The following ERC2 variants were observed in gnomAD, a reference collection of about 807,000 sequenced individuals.
ERC2 encodes the protein ELKS/RAB6-interacting/CAST family member 2.
In ERC2, 42 loss-of-function variants were observed where a neutral mutation model predicts 114.8. The ratio of observed to expected loss-of-function variants is 0.37; its 90% CI spans 0.29 to 0.47. The LOEUF is 0.47. ERC2 is among the 20% of genes least tolerant of loss of function. The pLI, the probability that ERC2 is intolerant of heterozygous loss-of-function variation, is 0.99. For synonymous variants in ERC2, 454 were observed against 425.5 expected, an observed-to-expected ratio of 1.07 and a Z score of -0.82; for missense variants, 939 against 1,150.7, an observed-to-expected ratio of 0.82 and a Z score of 2.66.
At position 55,831,961 on chromosome 3, in the gene ERC2, C is replaced by A. The variant is rs139479706; in HGVS notation, c.2564+56428G>T. Among the ~76,000 whole-genome samples, 400 of 152,366 alleles carry A rather than the reference C, an allele frequency of 2.6e-3. 12 individuals are homozygous for A. In the East Asian group the frequency reaches 0.073, roughly 28 times the overall value. ...GCACACCAGGAGATTACATCCCGCACATGGCTCAGAGGGTCCTACGTCCAC... is the reference window on the plus strand; with the variant it reads ...GCACACCAGGAGATTACATCCCGCAAATGGCTCAGAGGGTCCTACGTCCAC... On this transcript the variant is annotated intron_variant, in intron 14 of 17. Coordinates refer to ENST00000288221, the MANE Select transcript of ERC2 (RefSeq NM_015576.3).
intron 14 of ERC2, among the ~76,000 whole-genome samples, chr3:55,830,336 C>T (rs1261512231): frequency 6.6e-6 from 1 of 152,116 alleles, no homozygotes; most frequent in Admixed American, 6.6e-5. Flanking sequence ...TAAAAAGTTG[C>T]TCAGACTAAA....
chr3:55,731,658 T>C (rs1428149342), intron 15 of ERC2, among the ~76,000 whole-genome samples: 3 of 152,210 alleles, frequency 2.0e-5, no homozygotes, highest in Non-Finnish European at 2.9e-5. Flanking sequence ...TTAAGCATTA[T>C]GGTATATCCA....
intron 17 of ERC2, among the ~76,000 whole-genome samples, chr3:55,661,185 A>G (rs1406886541): frequency 6.6e-6 from 1 of 152,178 alleles, no homozygotes. Context: ...GTAGGTCAGA[A>G]TTTTGGCACA....
At chr3:55,708,349 G>C (rs2063593773) in intron 15 of ERC2, among the ~76,000 whole-genome samples, 1 of 152,362 alleles carries the variant, frequency 6.6e-6, no homozygotes, top group South Asian at 2.1e-4. Context: ...TAGTGGCAGA[G>C]TCTGGGGGAA....
intron 15 of ERC2, among the ~76,000 whole-genome samples, chr3:55,708,868 A>G (rs2063622067): frequency 6.6e-6 from 1 of 151,820 alleles, no homozygotes; most frequent in African/African-American, 2.4e-5. Context: ...AAGAGGAGAG[A>G]GAGAGAGAAG....
rs2107118452 is a variant in ERC2 at position 55,510,557 on chromosome 3, A to G, written c.*759T>C. 6.5e-6 allele frequency: 1 copy of G among 152,802 alleles called. No individual in the cohort carries two copies. The highest frequency in any genetic ancestry group is 2.1e-4 in the South Asian group (1 of 4,828). The allele number at this position is 152,802 out of a possible 1,614,324, so 9.5% of individuals were successfully genotyped here. A position where few individuals can be genotyped will look rare whatever the true frequency, so the allele number is the denominator to read the frequency against. On this transcript the variant is annotated 3_prime_UTR_variant, in exon 18 of 18. Coordinates refer to ENST00000288221, the MANE Select transcript of ERC2 (RefSeq NM_015576.3). ...AGATGTGCCACGCATTGTCAGAGACACACACCATGTTCTCATAAGGCGATT... is the reference window on the plus strand; with the variant it reads ...AGATGTGCCACGCATTGTCAGAGACGCACACCATGTTCTCATAAGGCGATT...
chr3:55,888,264 C>T, intron 14 of ERC2, 125 bp downstream of exon 14: 4 of 1,126,266 alleles, frequency 3.6e-6, no homozygotes, highest in Non-Finnish European at 5.0e-6. Flanking sequence ...CAGAAATGAC[C>T]AGGCAAGTGT....
At chr3:56,411,048 TC>T (rs2060922139) in intron 2 of ERC2, among the ~76,000 whole-genome samples, 1 of 137,172 alleles carries the variant, frequency 7.3e-6, no homozygotes, top group African/African-American at 3.0e-5. Flanking sequence ...ATGAATTATC[TC>T]AGAAAAAAAA....
chr3:55,517,854 C>CT (rs2052639098), intron 17 of ERC2, among the ~76,000 whole-genome samples: 1 of 152,238 alleles, frequency 6.6e-6, no homozygotes, highest in Non-Finnish European at 1.5e-5. Context: ...ATTAGGTACT[C>CT]TATGCACTTT....
At chr3:56,150,296 T>C (rs2081350696) in intron 4 of ERC2, among the ~76,000 whole-genome samples, 1 of 152,206 alleles carries the variant, frequency 6.6e-6, no homozygotes, top group African/African-American at 2.4e-5. Context: ...GTCCTGATTT[T>C]GTGGCTATTG....
At chr3:55,994,647 T>TTAA (rs36006624) in intron 10 of ERC2, among the ~76,000 whole-genome samples, 1 of 61,396 alleles carries the variant, frequency 1.6e-5, no homozygotes, top group Non-Finnish European at 2.7e-5. Flanking sequence ...ACATACTCCC[T>TTAA]AAAAAAAAAA....
chr3:55,994,747 C>T (rs2071375558), intron 10 of ERC2, among the ~76,000 whole-genome samples: 1 of 149,832 alleles, frequency 6.7e-6, no homozygotes, highest in Non-Finnish European at 1.5e-5. Flanking sequence ...TATTTTAGCT[C>T]CATGAAGAAA....
chr3:56,243,230 T>C (rs554634938), intron 3 of ERC2, among the ~76,000 whole-genome samples: 93 of 152,304 alleles, frequency 6.1e-4, no homozygotes, highest in Non-Finnish European at 1.0e-3. Context: ...CTGTTGGGCA[T>C]GTTCTCTGGG....
At chr3:56,079,640 G>T (rs1318115974) in intron 7 of ERC2, among the ~76,000 whole-genome samples, 3 of 152,086 alleles carry the variant, frequency 2.0e-5, no homozygotes, top group African/African-American at 7.2e-5. Flanking sequence ...AGCTGCACAG[G>T]TCCCTATGCT....
intron 12 of ERC2, among the ~76,000 whole-genome samples, chr3:55,964,463 T>TC (rs1185862269): frequency 6.6e-6 from 1 of 151,576 alleles, no homozygotes; most frequent in Non-Finnish European, 1.5e-5. Context: ...CAATCTTTTT[T>TC]TTTTTCTATG....
chr3:55,877,997 C>G (rs964149960), intron 14 of ERC2, among the ~76,000 whole-genome samples: 1 of 152,156 alleles, frequency 6.6e-6, no homozygotes, highest in African/African-American at 2.4e-5. Flanking sequence ...ACTGCCTCCT[C>G]TGACTTACCA....
rs148607283 is a variant in ERC2, at chr3:56,467,479, C to A, written c.-141+769G>T. Among the ~76,000 whole-genome samples the A allele has an allele frequency of 1.2e-4, 18 of 152,240 alleles. No homozygotes were observed. In the East Asian group the frequency reaches 2.5e-3, roughly 21 times the overall value. ...CAGGGCCGAACGGAGAGTTTACGAG[C>A]GCTATTTTATTACCCCGAACCAAAG... On this transcript the variant is annotated intron_variant, in intron 1 of 17. Transcript: ENST00000288221.
intron 3 of ERC2, among the ~76,000 whole-genome samples, chr3:56,252,253 T>C (rs979680286): frequency 1.3e-5 from 2 of 152,204 alleles, no homozygotes; most frequent in African/African-American, 2.4e-5. Context: ...TTAATCTGGC[T>C]GAAAATTGAT....
rs540464407 is a variant in ERC2, at chr3:55,567,224, A to G, written c.*40-55948T>C. 3.2e-4 allele frequency among the ~76,000 whole-genome samples: 48 copies of G among 152,272 alleles called. No homozygotes were observed. In the South Asian group the frequency reaches 9.5e-3, roughly 30 times the overall value. ...GCAAGCAATCAATGATGGAGTGGTG[A>G]GGAGAGTTGTGAGTTGGAGAAACTG... On this transcript the variant is annotated intron_variant, in intron 17 of 17. Transcript: ENST00000288221.
Sources: allele counts gnomAD v4.1 joint callset (sites outside exome capture counted in the v4.1 genomes callset), GRCh38; gene constraint gnomAD v4.1.1; transcripts MANE v1.5; gene names NCBI Gene and HGNC (gene_info 2026-07-23, HGNC 2026-07-21).